ZNF431: variants seen among roughly 807,000 people sequenced by gnomAD.
The protein encoded by ZNF431 is zinc finger protein 431.
ZNF431 carries 34 observed loss-of-function variants against 57.0 expected under a neutral mutation model. The observed-to-expected ratio is 0.60, with a 90% CI of 0.45 to 0.79. The LOEUF (loss-of-function observed/expected upper bound fraction) is 0.79, where lower values mean the gene tolerates loss of function less well. ZNF431 is among the 30% of genes least tolerant of loss of function. The pLI is 0.00. For missense variants in ZNF431, 607 were observed against 667.1 expected (o/e 0.91, Z 0.99); for synonymous variants, 207 against 220.3 (o/e 0.94, Z 0.54).
chr19:21,150,084 T>C, intron 2 of ZNF431: 1 of 639,006 alleles, frequency 1.6e-6, no homozygotes, highest in Non-Finnish European at 3.0e-6. Flanking sequence ...TCAGCAGCTT[T>C]CTTCTCGGCC....
intron 2 of ZNF431, among the ~76,000 whole-genome samples, chr19:21,151,683 C>T (rs1970278045): frequency 6.6e-6 from 1 of 152,160 alleles, no homozygotes; most frequent in South Asian, 2.1e-4. Context: ...TCTGAGCCAT[C>T]TTGAACAGCA....
At chr19:21,159,048 G>A (rs1261425190) in intron 2 of ZNF431, among the ~76,000 whole-genome samples, 1 of 152,168 alleles carries the variant, frequency 6.6e-6, no homozygotes, top group Non-Finnish European at 1.5e-5. Flanking sequence ...TATATTGAAA[G>A]TGTTTTTAGC....
chr19:21,161,493 A>G (rs1970563948), intron 2 of ZNF431, among the ~76,000 whole-genome samples: 1 of 152,162 alleles, frequency 6.6e-6, no homozygotes, highest in Non-Finnish European at 1.5e-5. Flanking sequence ...TTATTATTAT[A>G]TGTTATAACA....
At chr19:21,180,582 C>T (rs975181765) in intron 4 of ZNF431, among the ~76,000 whole-genome samples, 2 of 147,348 alleles carry the variant, frequency 1.4e-5, no homozygotes. Context: ...CTTACGCAAA[C>T]GTATTCTTGG....
intron 4 of ZNF431, among the ~76,000 whole-genome samples, chr19:21,178,439 G>A (rs1488548410): frequency 6.6e-6 from 1 of 152,010 alleles, no homozygotes; most frequent in Non-Finnish European, 1.5e-5. Flanking sequence ...TATCGGCTAT[G>A]GGTTTGTCAT....
chr19:21,161,965 T>G (rs1281434329), intron 2 of ZNF431, among the ~76,000 whole-genome samples: 1 of 151,646 alleles, frequency 6.6e-6, no homozygotes, highest in Non-Finnish European at 1.5e-5. Flanking sequence ...TCACCCCTTG[T>G]TTTTTGTTTT....
At chr19:21,158,786 T>C (rs1217660192) in intron 2 of ZNF431, among the ~76,000 whole-genome samples, 1 of 152,164 alleles carries the variant, frequency 6.6e-6, no homozygotes, top group Non-Finnish European at 1.5e-5. Flanking sequence ...TTTGACTTCC[T>C]CTCTTCTTTT....
At chr19:21,153,567 C>T (rs1970336639) in intron 2 of ZNF431, among the ~76,000 whole-genome samples, 3 of 152,230 alleles carry the variant, frequency 2.0e-5, no homozygotes, top group African/African-American at 7.2e-5. Context: ...TGTTCCCCAC[C>T]TCTTTTCTTT....
chr19:21,178,583 TG>T (rs1261688008), intron 4 of ZNF431, among the ~76,000 whole-genome samples: 56 of 152,222 alleles, frequency 3.7e-4, no homozygotes, highest in Admixed American at 3.7e-3. Context: ...TCTTTAGATC[TG>T]TTTATGTGAT....
chr19:21,158,799 G>C (rs1970495084), intron 2 of ZNF431, among the ~76,000 whole-genome samples: 1 of 151,888 alleles, frequency 6.6e-6, no homozygotes, highest in South Asian at 2.1e-4. Context: ...CTTCTTTTTT[G>C]GATGTCTTTT....
chr19:21,168,953 C>A (rs892931347), intron 4 of ZNF431, among the ~76,000 whole-genome samples: 4 of 151,664 alleles, frequency 2.6e-5, no homozygotes, highest in African/African-American at 9.7e-5. Context: ...ACTGTGTTGC[C>A]TAGGCTGGAG....
At chr19:21,157,244 TCTC>T (rs1401593920) in intron 2 of ZNF431, among the ~76,000 whole-genome samples, 6 of 152,078 alleles carry the variant, frequency 3.9e-5, no homozygotes, top group African/African-American at 1.4e-4. Flanking sequence ...TTCAAGCAAT[TCTC>T]CTGCTTCAGC....
chr19:21,174,444 T>C (rs899654557), intron 4 of ZNF431, among the ~76,000 whole-genome samples: 3 of 152,218 alleles, frequency 2.0e-5, no homozygotes, highest in African/African-American at 7.2e-5. Context: ...TAAATAGATA[T>C]GATAGTTACA....
chr19:21,174,720 T>G (rs1398079177), intron 4 of ZNF431, among the ~76,000 whole-genome samples: 1 of 152,174 alleles, frequency 6.6e-6, no homozygotes, highest in Admixed American at 6.5e-5. Context: ...CTAAGGCATC[T>G]TATTTCTTTT....
chr19:21,143,409 G>A, intron 1 of ZNF431, 142 bp from the exon 2 acceptor site: 1 of 641,966 alleles, frequency 1.6e-6, no homozygotes, highest in Non-Finnish European at 2.8e-6. Context: ...AACTTTATGG[G>A]GTGATGTGTC....
At chr19:21,163,799 C>T (rs1568304339) in intron 2 of ZNF431, among the ~76,000 whole-genome samples, 1 of 152,100 alleles carries the variant, frequency 6.6e-6, no homozygotes, top group Admixed American at 6.5e-5. Flanking sequence ...GGATTACAGG[C>T]GTGAGTCACT....
chr19:21,177,598 C>T (rs1489064819), intron 4 of ZNF431, among the ~76,000 whole-genome samples: 1 of 152,028 alleles, frequency 6.6e-6, no homozygotes, highest in Non-Finnish European at 1.5e-5. Context: ...AAAAGCCTGG[C>T]TAACATAGTG....
rs1434848258 is a variant in ZNF431, at chr19:21,189,879, C to T, written c.*5845C>T. 1 of 397,926 alleles carries T rather than the reference C, an allele frequency of 2.5e-6. No individual in the cohort carries two copies. The highest frequency in any genetic ancestry group is 4.4e-6 in the Non-Finnish European group (1 of 226,062). The allele number at this position is 397,926 out of a possible 1,614,324, so 24.6% of individuals were successfully genotyped here. ...TTTTTTTTAAGGCCAGGAGTGGTGG[C>T]TCACACCTGTAATCCCAGCTCTGGG... On this transcript the variant is annotated 3_prime_UTR_variant, in exon 5 of 5. Coordinates refer to ENST00000311048, the MANE Select transcript of ZNF431 (RefSeq NM_133473.4).
rs1460306600 is a variant in ZNF431, at chr19:21,191,116, TCTGA to T, written c.*7085_*7088del. On this transcript the variant is annotated 3_prime_UTR_variant, in exon 5 of 5. Coordinates refer to ENST00000311048, the MANE Select transcript of ZNF431 (RefSeq NM_133473.4). Reference sequence around the variant, plus strand: ...CCAGCAGCTTTTTAATTTGAAGTGATCTGACTTATTTTTCCTTTTGTGTCCTGGG... The same window carrying T: ...CCAGCAGCTTTTTAATTTGAAGTGATCTTATTTTTCCTTTTGTGTCCTGGG... The T allele has an allele frequency of 6.6e-6, 1 of 152,130 alleles. No homozygotes were observed. Among genetic ancestry groups the T allele is most frequent in the Non-Finnish European group, 1.5e-5 (1 of 68,026 alleles). 9.4% of individuals were successfully genotyped at this position (152,130 alleles called of 1,614,324 possible). A position where few individuals can be genotyped will look rare whatever the true frequency, so the allele number is the denominator to read the frequency against.
Sources: allele counts gnomAD v4.1 joint callset (sites outside exome capture counted in the v4.1 genomes callset), GRCh38; gene constraint gnomAD v4.1.1; transcripts MANE v1.5; gene names NCBI Gene and HGNC (gene_info 2026-07-23, HGNC 2026-07-21).